The following CHL1 variants were observed in gnomAD, a reference collection of about 807,000 sequenced individuals.
CHL1 encodes neural cell adhesion molecule L1-like protein.
A neutral mutation model predicts 141.9 loss-of-function variants in CHL1; 96 were observed. That is an observed-to-expected ratio of 0.68 (90% CI 0.57 to 0.80). The LOEUF (loss-of-function observed/expected upper bound fraction) is 0.80, where lower values mean the gene tolerates loss of function less well. Among genes scored for constraint, CHL1 ranks in the 30% least tolerant of loss-of-function variants. CHL1 has a pLI of 0.00. For synonymous variants in CHL1, 613 were observed against 502.2 expected, an observed-to-expected ratio of 1.22 and a Z score of -2.95; for missense variants, 1,820 against 1,457.2, an observed-to-expected ratio of 1.25 and a Z score of -4.05.
At chr3:322,973 C>T (rs181482133) in intron 3 of CHL1, among the ~76,000 whole-genome samples, 8 of 151,842 alleles carry the variant, frequency 5.3e-5, no homozygotes, top group African/African-American at 1.9e-4. Flanking sequence ...AATTATCTAC[C>T]TTGGAATACA....
At chr3:202,263 CCTT>C (rs1699020836) in intron 1 of CHL1, among the ~76,000 whole-genome samples, 1 of 152,078 alleles carries the variant, frequency 6.6e-6, no homozygotes, top group South Asian at 2.1e-4. Flanking sequence ...TGATAATTAT[CCTT>C]CTATATCATG....
At chr3:240,699 G>T in intron 1 of CHL1, among the ~76,000 whole-genome samples, 1 of 152,136 alleles carries the variant, frequency 6.6e-6, no homozygotes, top group East Asian at 1.9e-4. Flanking sequence ...TTTTTCTGAC[G>T]TTATCTTCTA....
At chr3:270,870 G>T (rs1279134037) in intron 2 of CHL1, among the ~76,000 whole-genome samples, 2 of 152,200 alleles carry the variant, frequency 1.3e-5, no homozygotes, top group Non-Finnish European at 2.9e-5. Flanking sequence ...GCACACATGT[G>T]TGACCTCTCC....
Position 342,101 on chromosome 3 carries a change from T to G in CHL1, c.679+19T>G, listed in dbSNP as rs748444394. On this transcript the variant is annotated intron_variant, in intron 7 of 27. Coordinates refer to ENST00000256509, the MANE Select transcript of CHL1 (RefSeq NM_006614.4). ...AACAGTTGTAAGTCCACATAATTTA[T>G]CGTTTCATCATGTATGCTGAATGCA... is the stretch of plus-strand genomic sequence containing the variant. The G allele has an allele frequency of 2.5e-6, 4 of 1,594,018 alleles. No individual in the cohort carries two copies. Among genetic ancestry groups the G allele is most frequent in the Non-Finnish European group, 2.6e-6 (3 of 1,164,634 alleles).
rs1360404145 is a variant in CHL1, at chr3:386,683, A to G, written c.2248-2569A>G. Among the ~76,000 whole-genome samples the G allele has an allele frequency of 3.3e-5, 5 of 152,328 alleles. No homozygotes were observed. In the East Asian group the frequency reaches 9.6e-4, roughly 29 times the overall value. ...AACCCCACTAATGTTGGGAAGCAGG[A>G]ACATCTTTAATTACCTGGTTATATA... On this transcript the variant is annotated intron_variant, in intron 19 of 27. Transcript: ENST00000256509.
intron 15 of CHL1, among the ~76,000 whole-genome samples, chr3:375,989 G>C (rs1356001880): frequency 1.3e-5 from 2 of 152,164 alleles, no homozygotes; most frequent in South Asian, 2.1e-4. Flanking sequence ...TGAAGGAGTC[G>C]AGTGGTTTTA....
chr3:335,478 G>A (rs926022832), intron 5 of CHL1, among the ~76,000 whole-genome samples: 2 of 152,150 alleles, frequency 1.3e-5, no homozygotes, highest in Non-Finnish European at 2.9e-5. Context: ...AAAGGAAACC[G>A]GAGTTAGAGG....
intron 1 of CHL1, among the ~76,000 whole-genome samples, chr3:204,658 T>G (rs1159374304): frequency 6.6e-6 from 1 of 152,198 alleles, no homozygotes; most frequent in Non-Finnish European, 1.5e-5. Context: ...ATGGGATGCC[T>G]TACATATTGG....
chr3:292,963 G>A (rs1359306351), intron 2 of CHL1, among the ~76,000 whole-genome samples: 2 of 152,190 alleles, frequency 1.3e-5, no homozygotes, highest in Non-Finnish European at 2.9e-5. Flanking sequence ...AGATATCCAA[G>A]CTGTATCACC....
At chr3:277,459 A>G (rs1696246048) in intron 2 of CHL1, among the ~76,000 whole-genome samples, 1 of 152,244 alleles carries the variant, frequency 6.6e-6, no homozygotes, top group Non-Finnish European at 1.5e-5. Context: ...CTGGCAGAAG[A>G]ACACAGCATT....
At position 301,676 on chromosome 3, in the gene CHL1, A is replaced by T. The variant is rs567572203; in HGVS notation, c.-94-18007A>T. On this transcript the variant is annotated intron_variant, in intron 2 of 27. Coordinates refer to ENST00000256509, the MANE Select transcript of CHL1 (RefSeq NM_006614.4). ...TTCTAAAGAGATGCGGCATTGCCAT[A>T]TAGTAGTTACATTGTGCAATTACTA... 2.6e-5 allele frequency among the ~76,000 whole-genome samples: 4 copies of T among 152,354 alleles called. No homozygotes were observed. The South Asian group carries it at 8.3e-4, about 32-fold the overall frequency.
intron 24 of CHL1, 74 bp downstream of exon 24, chr3:394,946 A>C: frequency 8.1e-7 from 1 of 1,236,414 alleles, no homozygotes; most frequent in Non-Finnish European, 1.1e-6. Flanking sequence ...GCTGCACTGA[A>C]AGGAAAGCAC....
At chr3:326,220 T>C (rs1277911834) in intron 4 of CHL1, among the ~76,000 whole-genome samples, 156 bp downstream of exon 4, 1 of 151,866 alleles carries the variant, frequency 6.6e-6, no homozygotes, top group East Asian at 1.9e-4. Flanking sequence ...AAAAAAAAAA[T>C]TTGGTTATTT....
At chr3:288,919 A>C (rs921564360) in intron 2 of CHL1, among the ~76,000 whole-genome samples, 13 of 152,072 alleles carry the variant, frequency 8.5e-5, no homozygotes, top group African/African-American at 2.9e-4. Flanking sequence ...AGACTTTATC[A>C]TTTTTTTCCA....
Position 264,243 on chromosome 3 carries a change from G to A in CHL1, c.-95+19551G>A, listed in dbSNP as rs1574902078. Among the ~76,000 whole-genome samples, 10 of 152,088 alleles carry A rather than the reference G, an allele frequency of 6.6e-5. 1 individual carries two copies. The highest frequency in any genetic ancestry group is 2.4e-4 in the African/African-American group (10 of 41,484). On this transcript the variant is annotated intron_variant, in intron 2 of 27. Transcript: ENST00000256509. ...CGCACTTTTAAAGCAAGCCCACACA[G>A]TAAATGATATTGTTCATAACCCCTG...
intron 15 of CHL1, among the ~76,000 whole-genome samples, chr3:375,173 G>T (rs1706159436): frequency 6.6e-6 from 1 of 152,130 alleles, no homozygotes; most frequent in South Asian, 2.1e-4. Flanking sequence ...AGACCATACA[G>T]GCTATAGACC....
intron 2 of CHL1, among the ~76,000 whole-genome samples, chr3:278,835 T>C (rs2125283670): frequency 1.3e-5 from 2 of 152,372 alleles, no homozygotes; most frequent in South Asian, 2.1e-4. Context: ...TTTTAGTTTC[T>C]GAACTCTGTC....
Position 209,346 on chromosome 3 carries a change from C to T in CHL1, c.-175+12283C>T, listed in dbSNP as rs935632834. Among the ~76,000 whole-genome samples, 7 of 152,132 alleles carry T rather than the reference C, an allele frequency of 4.6e-5. No homozygotes were observed. In the South Asian group the frequency reaches 6.2e-4, roughly 14 times the overall value. ...TAAGTTACATTTAATATATTTCTTC[C>T]GCAAGAGAGAGGGATAGAAAGACTA... is the stretch of plus-strand genomic sequence containing the variant. On this transcript the variant is annotated intron_variant, in intron 1 of 27. Coordinates refer to ENST00000256509, the MANE Select transcript of CHL1 (RefSeq NM_006614.4).
At chr3:383,437 A>G (rs997190875) in intron 18 of CHL1, among the ~76,000 whole-genome samples, 1 of 152,198 alleles carries the variant, frequency 6.6e-6, no homozygotes, top group Non-Finnish European at 1.5e-5. Context: ...TATTCACAAC[A>G]TATGTTTCTA....
Sources: gnomAD v4.1 joint callset for allele counts (sites outside exome capture counted in the v4.1 genomes callset) on GRCh38, gnomAD v4.1.1 for gene constraint, MANE v1.5 for transcripts, NCBI Gene and HGNC (gene_info 2026-07-23, HGNC 2026-07-21) for gene names.